The following CRISP1 variants were observed in gnomAD, a reference collection of about 807,000 sequenced individuals.
CRISP1 encodes cysteine-rich secretory protein 1.
In CRISP1, 44 loss-of-function variants were observed where a neutral mutation model predicts 33.1. That is an observed-to-expected ratio of 1.33 (90% CI 1.05 to 1.71). CRISP1 has a LOEUF of 1.71. CRISP1 is among the 40% of genes most tolerant of loss of function. The pLI, the probability that CRISP1 is intolerant of heterozygous loss-of-function variation, is 0.00. For missense variants in CRISP1, 390 were observed against 301.2 expected, an observed-to-expected ratio of 1.29 and a Z score of -2.18; for synonymous variants, 103 against 98.7, an observed-to-expected ratio of 1.04 and a Z score of -0.26.
chr6:49,870,899 C>T (rs1367701504), upstream of CRISP1, among the ~76,000 whole-genome samples: 1 of 152,020 alleles, frequency 6.6e-6, no homozygotes, highest in African/African-American at 2.4e-5. Context: ...CTGTTTGAGA[C>T]CAGCCTGGCC....
chr6:49,865,086 G>A (rs1257936698), intron 1 of CRISP1, among the ~76,000 whole-genome samples: 1 of 152,080 alleles, frequency 6.6e-6, no homozygotes, highest in African/African-American at 2.4e-5. Flanking sequence ...ACAATACCAA[G>A]TATTAAAACT....
At chr6:49,876,828 G>A (rs1465217484) in intron 1 of CRISP1, among the ~76,000 whole-genome samples, 2 of 151,908 alleles carry the variant, frequency 1.3e-5, no homozygotes, top group Non-Finnish European at 2.9e-5. Context: ...AGTGGTTGCT[G>A]AATGATGAGA....
chr6:49,872,450 G>A (rs1388541801), intron 1 of CRISP1, among the ~76,000 whole-genome samples: 1 of 152,114 alleles, frequency 6.6e-6, no homozygotes, highest in Non-Finnish European at 1.5e-5. Context: ...ATTGCTTTTG[G>A]TGTTTTAGAC....
intron 1 of CRISP1, among the ~76,000 whole-genome samples, chr6:49,859,985 A>T (rs1771602739): frequency 1.3e-5 from 2 of 152,168 alleles, no homozygotes; most frequent in Non-Finnish European, 2.9e-5. Flanking sequence ...TAGCTATAAG[A>T]TAAAACAGAC....
chr6:49,853,533 G>A (rs1219692720), intron 2 of CRISP1, among the ~76,000 whole-genome samples: 1 of 152,038 alleles, frequency 6.6e-6, no homozygotes. Flanking sequence ...TCACTTTAAT[G>A]GTCACCTACT....
rs996407204 is a variant in CRISP1, at chr6:49,835,527, A to G, written c.623-84T>C. 3.6e-6 allele frequency: 5 copies of G among 1,376,942 alleles called. No individual in the cohort carries two copies. The African/African-American group carries it at 7.3e-5, about 20-fold the overall frequency. 85.3% of individuals were successfully genotyped at this position (1,376,942 alleles called of 1,614,324 possible). A position where few individuals can be genotyped will look rare whatever the true frequency, so the allele number is the denominator to read the frequency against. ...AAAGAGACCATCTTATTAAAGACAA[A>G]AAGAGAAATTTTTATTAACAATTGC... is the stretch of plus-strand genomic sequence containing the variant. On this transcript the variant is annotated intron_variant, in intron 7 of 7. Coordinates refer to ENST00000335847, the MANE Select transcript of CRISP1 (RefSeq NM_001131.3).
intron 2 of CRISP1, among the ~76,000 whole-genome samples, chr6:49,852,437 A>C (rs140518686): frequency 6.6e-6 from 1 of 152,150 alleles, no homozygotes; most frequent in African/African-American, 2.4e-5. Context: ...TAAGATCCAC[A>C]AAGGGAGATA....
At chr6:49,839,181 T>A (rs1395182991) in intron 6 of CRISP1, among the ~76,000 whole-genome samples, 3 of 135,402 alleles carry the variant, frequency 2.2e-5, no homozygotes, top group Non-Finnish European at 4.5e-5. Context: ...ATCCCTGTAA[T>A]CCCAGCACTT....
At chr6:49,840,839 G>T in intron 6 of CRISP1, 59 bp downstream of exon 6, 1 of 1,358,120 alleles carries the variant, frequency 7.4e-7, no homozygotes, top group Non-Finnish European at 1.0e-6. Context: ...AACAATGTTT[G>T]AAAAACTAGA....
At chr6:49,843,732 A>G (rs1771068654) in intron 5 of CRISP1, among the ~76,000 whole-genome samples, 1 of 152,214 alleles carries the variant, frequency 6.6e-6, no homozygotes, top group African/African-American at 2.4e-5. Context: ...GATAATGGGT[A>G]GAGACTGGAA....
At chr6:49,836,811 T>C (rs1238836895) in intron 7 of CRISP1, among the ~76,000 whole-genome samples, 1 of 152,178 alleles carries the variant, frequency 6.6e-6, no homozygotes, top group Non-Finnish European at 1.5e-5. Flanking sequence ...AATATGGATG[T>C]CATATTACTG....
At chr6:49,859,615 C>A (rs1302735930) in intron 1 of CRISP1, among the ~76,000 whole-genome samples, 2 of 151,726 alleles carry the variant, frequency 1.3e-5, no homozygotes, top group African/African-American at 2.4e-5. Flanking sequence ...AGTATTAAAC[C>A]CACTGGTAGA....
intron 3 of CRISP1, among the ~76,000 whole-genome samples, chr6:49,851,341 G>C (rs1233244128): frequency 2.0e-5 from 3 of 152,110 alleles, no homozygotes; most frequent in Non-Finnish European, 4.4e-5. Context: ...GATACTGCTG[G>C]ATAACAAATG....
intron 2 of CRISP1, among the ~76,000 whole-genome samples, chr6:49,855,893 C>T (rs1402284148): frequency 6.6e-6 from 1 of 152,106 alleles, no homozygotes; most frequent in African/African-American, 2.4e-5. Flanking sequence ...TACTTTAACT[C>T]AGACTCATGT....
rs777958023 is a variant in CRISP1 at position 49,852,147 on chromosome 6, T to C, written c.67-18A>G. On this transcript the variant is annotated intron_variant, in intron 2 of 7. Coordinates refer to ENST00000335847, the MANE Select transcript of CRISP1 (RefSeq NM_001131.3). ...GATTTCTTCTGTTACCAGAAAAATATTAATTAGTGTTACTTCTTTTAAGTG... is the reference window on the plus strand; with the variant it reads ...GATTTCTTCTGTTACCAGAAAAATACTAATTAGTGTTACTTCTTTTAAGTG... 3 of 1,606,686 alleles carry C rather than the reference T, an allele frequency of 1.9e-6. No individual in the cohort carries two copies. The highest frequency in any genetic ancestry group is 1.1e-5 in the South Asian group (1 of 89,330).
chr6:49,845,707 C>CAA (rs111269611), intron 5 of CRISP1, among the ~76,000 whole-genome samples: 2,422 of 145,402 alleles, frequency 0.017, 50 homozygotes, highest in African/African-American at 0.042. Context: ...TCACAATAGC[C>CAA]AAAAAAAAAA....
At chr6:49,865,174 A>G (rs1771767273) in intron 1 of CRISP1, among the ~76,000 whole-genome samples, 1 of 152,194 alleles carries the variant, frequency 6.6e-6, no homozygotes, top group Admixed American at 6.6e-5. Flanking sequence ...ATATTATGTA[A>G]TACAGAAACA....
intron 4 of CRISP1, among the ~76,000 whole-genome samples, chr6:49,847,906 T>C (rs550634026): frequency 6.6e-6 from 1 of 152,238 alleles, no homozygotes; most frequent in East Asian, 1.9e-4. Flanking sequence ...AATGGAGACC[T>C]AGGTTTCTAG....
chr6:49,852,250 T>C (rs1771371084), intron 2 of CRISP1, 121 bp from the exon 3 acceptor site: 1 of 875,062 alleles, frequency 1.1e-6, no homozygotes. Flanking sequence ...TTATAGCATT[T>C]TTGAATTTAT....
Sources: allele counts gnomAD v4.1 joint callset (sites outside exome capture counted in the v4.1 genomes callset), GRCh38; gene constraint gnomAD v4.1.1; transcripts MANE v1.5; gene names NCBI Gene and HGNC (gene_info 2026-07-23, HGNC 2026-07-21).